The following SMC1A variants were observed in gnomAD, a reference collection of about 807,000 sequenced individuals.
SMC1A encodes structural maintenance of chromosomes protein 1A.
Under a neutral mutation model 94.5 loss-of-function variants are expected in SMC1A, and 4 were observed. The observed-to-expected ratio is 0.04, with a 90% CI of 0.02 to 0.10. The LOEUF (loss-of-function observed/expected upper bound fraction) is 0.10. Among genes scored for constraint, SMC1A ranks in the 10% least tolerant of loss-of-function variants. The pLI is 1.00. For synonymous variants in SMC1A, 345 were observed against 347.7 expected, an observed-to-expected ratio of 0.99 and a Z score of 0.09; for missense variants, 304 against 989.0, an observed-to-expected ratio of 0.31 and a Z score of 9.29.
chrX:53,416,752 C>A (rs182753054), intron 1 of SMC1A, among the ~76,000 whole-genome samples: 1 of 109,880 alleles, frequency 9.1e-6, no homozygotes, highest in Non-Finnish European at 1.9e-5. Context: ...TTCTAGAGAT[C>A]GTTTGCACAA....
chrX:53,382,775 G>T, intron 20 of SMC1A, 115 bp from the exon 21 acceptor site: 1 of 927,753 alleles, frequency 1.1e-6, no homozygotes, highest in Non-Finnish European at 1.5e-6. Flanking sequence ...GAGGGTCCCA[G>T]AAGGATCTGT....
At chrX:53,385,632 T>C (rs782264180) in intron 19 of SMC1A, among the ~76,000 whole-genome samples, 20 of 110,341 alleles carry the variant, frequency 1.8e-4, no homozygotes, top group Non-Finnish European at 3.4e-4. Context: ...CTATATTTTA[T>C]TGAAGTGAAG....
chrX:53,394,860 C>T lies in SMC1A; in HGVS notation c.2891G>A (p.Ser964Asn). 3 of 1,197,391 alleles carry T rather than the reference C, an allele frequency of 2.5e-6. No individual in the cohort carries two copies. The highest frequency in any genetic ancestry group is 3.4e-6 in the Non-Finnish European group (3 of 883,084). ...EGSSQGEDSV[S>N]GSQRISSIYA... ...GATACTGGAAATTCTCTGTGAACCA[C>T]TCACTGAGTCCTCCCCCTGGGAGCT... Residue 964 changes from serine to asparagine, a missense_variant, in exon 19 of 25, where the codon AGT becomes AAT. Around this residue, in one of 11 missense-constraint regions of SMC1A, gnomAD observed 22 missense variants for 17.5 expected, o/e 1.26. Coordinates refer to ENST00000322213, the MANE Select transcript of SMC1A (RefSeq NM_006306.4).
chrX:53,380,753 C>A lies in SMC1A; in HGVS notation c.3508-23G>T, dbSNP rs782493076. The stretch of plus-strand genomic sequence containing the variant: ...CACCTGTGGGAAAGGCCGCCAGGCA[C>A]TTAGCAAGGCTCAAACCTTAACAGT... On this transcript the variant is annotated intron_variant, in intron 23 of 24. Transcript: ENST00000322213. The A allele has an allele frequency of 1.2e-4, 125 of 1,051,619 alleles. No homozygotes were observed. In the South Asian group the frequency reaches 2.3e-3, roughly 19 times the overall value. 86.7% of individuals were successfully genotyped at this position (1,051,619 alleles called of 1,213,427 possible).
chrX:53,401,347 T>C (rs1330530960), intron 15 of SMC1A, among the ~76,000 whole-genome samples: 1 of 112,268 alleles, frequency 8.9e-6, no homozygotes, highest in Non-Finnish European at 1.9e-5. Context: ...TTACCTTCCC[T>C]ACTGTGAACA....
intron 19 of SMC1A, 143 bp from the exon 20 acceptor site, chrX:53,383,396 AC>A: frequency 1.9e-6 from 1 of 514,887 alleles, no homozygotes; most frequent in Non-Finnish European, 3.3e-6. Flanking sequence ...GGTTCCTTCC[AC>A]CAGATCCTAC....
chrX:53,396,589 T>C lies in SMC1A; in HGVS notation c.2591A>G (p.Asp864Gly). 8.3e-7 allele frequency: 1 copy of C among 1,209,294 alleles called. No individual in the cohort carries two copies. Among genetic ancestry groups the C allele is most frequent in the Non-Finnish European group, 1.1e-6 (1 of 894,613 alleles). The change falls in exon 17 of 25, where the codon GAT becomes GGT. Residue 864 changes from aspartate to glycine, a missense_variant. Physicochemically the swap from Asp to Gly is moderately conservative, Grantham distance 94. This residue lies in a region of SMC1A where 35 missense variants were observed against 95.4 expected (regional missense o/e 0.37). Transcript: ENST00000322213. ...GTCTTGTAGCTGAGCCATGGTCTCA[T>C]CTATGATCTTCATGTGTCTTTGTTC... is the stretch of plus-strand genomic sequence containing the variant. Reference protein sequence around the residue: ...KEEQRHMKIIDETMAQLQDLK... With the variant: ...KEEQRHMKIIGETMAQLQDLK...
In SMC1A at chrX:53,380,656, G is replaced by A. The variant is rs2075578868; in HGVS notation, c.3582C>T (p.Tyr1194=). 8.3e-7 allele frequency: 1 copy of A among 1,207,284 alleles called. No individual in the cohort carries two copies. The highest frequency in any genetic ancestry group is 1.1e-6 in the Non-Finnish European group (1 of 892,713). Residue 1194 remains tyrosine, a synonymous_variant, in exon 24 of 25, where the codon TAC becomes TAT. Coordinates refer to ENST00000322213, the MANE Select transcript of SMC1A (RefSeq NM_006306.4). Reference sequence around the variant, plus strand: ...CTCCAATGAGGCTCTCGGCCTTGGTGTAGAACTCCTCCTTGAGAGAGATGA... The same window carrying A: ...CTCCAATGAGGCTCTCGGCCTTGGTATAGAACTCCTCCTTGAGAGAGATGA... ...AIVISLKEEF[Y]TKAESLIGVY...
At chrX:53,399,035 C>T (rs1160155432) in intron 16 of SMC1A, among the ~76,000 whole-genome samples, 6 of 110,806 alleles carry the variant, frequency 5.4e-5, no homozygotes, top group Admixed American at 4.8e-4. Flanking sequence ...GTCAGGAGTT[C>T]GAGACCAGCC....
Position 53,378,882 on chromosome X carries a change from T to C in SMC1A, c.*1221A>G, listed in dbSNP as rs1170648213. 2 of 111,889 alleles carry C rather than the reference T, an allele frequency of 1.8e-5. No homozygotes were observed. The highest frequency in any genetic ancestry group is 7.4e-4 in the South Asian group (2 of 2,687). The allele number at this position is 111,889 out of a possible 1,213,427, so 9.2% of individuals were successfully genotyped here. ...CTCCCCTATTTCCTCACAACCCAGA[T>C]TGGGGCTCAGGCACCCGGTTACCAG... On this transcript the variant is annotated 3_prime_UTR_variant, in exon 25 of 25. Coordinates refer to ENST00000322213, the MANE Select transcript of SMC1A (RefSeq NM_006306.4).
chrX:53,408,749 A>G (rs782788782), intron 9 of SMC1A, among the ~76,000 whole-genome samples: 2 of 108,822 alleles, frequency 1.8e-5, no homozygotes, highest in African/African-American at 6.7e-5. Flanking sequence ...TTCCCCTCCC[A>G]GAGGCATAGA....
intron 8 of SMC1A, 28 bp from the exon 9 acceptor site, chrX:53,409,297 C>A: frequency 1.7e-6 from 2 of 1,192,969 alleles, no homozygotes; most frequent in Non-Finnish European, 2.3e-6. Context: ...ACAGGAGTTA[C>A]TCCTGCTGGT....
In SMC1A at chrX:53,422,627, G is replaced by C; in HGVS notation, c.-27C>G. On this transcript the variant is annotated 5_prime_UTR_variant, in exon 1 of 25. Coordinates refer to ENST00000322213, the MANE Select transcript of SMC1A (RefSeq NM_006306.4). ...ACGGCCGCGGCGCCGGCGGCAGTAGGACAGGCCGCGCCGTACGCCCGAGAA... is the reference window on the plus strand; with the variant it reads ...ACGGCCGCGGCGCCGGCGGCAGTAGCACAGGCCGCGCCGTACGCCCGAGAA... 9.9e-7 allele frequency: 1 copy of C among 1,007,747 alleles called. No individual in the cohort carries two copies. The highest frequency in any genetic ancestry group is 1.4e-6 in the Non-Finnish European group (1 of 711,187). The allele number at this position is 1,007,747 out of a possible 1,213,427, so 83.0% of individuals were successfully genotyped here. A position where few individuals can be genotyped will look rare whatever the true frequency, so the allele number is the denominator to read the frequency against.
intron 7 of SMC1A, among the ~76,000 whole-genome samples, chrX:53,411,082 A>G (rs940182335): frequency 5.5e-5 from 6 of 109,435 alleles, no homozygotes; most frequent in African/African-American, 1.7e-4. Flanking sequence ...ATGACAGAGA[A>G]AGACTCTGTC....
intron 1 of SMC1A, among the ~76,000 whole-genome samples, chrX:53,421,438 T>C (rs1036274973): frequency 1.8e-5 from 2 of 112,365 alleles, no homozygotes; most frequent in Non-Finnish European, 3.8e-5. Context: ...GTACTCAGTA[T>C]GTGCTACTTC....
chrX:53,416,405 C>A (rs782653996), intron 1 of SMC1A, among the ~76,000 whole-genome samples: 4 of 102,736 alleles, frequency 3.9e-5, no homozygotes, highest in Non-Finnish European at 6.0e-5. Flanking sequence ...GTTTTTTTTT[C>A]TTTTGAGATG....
Position 53,413,253 on chromosome X carries a change from T to C in SMC1A, c.594A>G (p.Glu198=), listed in dbSNP as rs1556890814. Residue 198 remains glutamate (E), a synonymous_variant, in exon 4 of 25, where the codon GAA becomes GAG. Transcript: ENST00000322213. ...RKKNIAAERK[E]AKQEKEEADR... ...CTACCTCTTCTTTCTCCTGCTTTGCTTCCTTGCGTTCAGCCGCAATATTTT... is the reference window on the plus strand; with the variant it reads ...CTACCTCTTCTTTCTCCTGCTTTGCCTCCTTGCGTTCAGCCGCAATATTTT... The C allele has an allele frequency of 6.6e-6, 8 of 1,211,609 alleles. No homozygotes were observed. In the Admixed American group the frequency reaches 1.5e-4, roughly 23 times the overall value.
Position 53,399,571 on chromosome X carries a change from A to G in SMC1A, c.2562+18T>C. 1 of 1,192,245 alleles carries G rather than the reference A, an allele frequency of 8.4e-7. No individual in the cohort carries two copies. Among genetic ancestry groups the G allele is most frequent in the Non-Finnish European group, 1.1e-6 (1 of 879,379 alleles). ...CCTCCCAGTTATTAGTCTGTCTTTT[A>G]ATTCTTTCCTTCCTTACCTTTTTGA... On this transcript the variant is annotated intron_variant, in intron 16 of 24. Transcript: ENST00000322213.
At chrX:53,408,274 T>C (rs1012665313) in intron 9 of SMC1A, among the ~76,000 whole-genome samples, 1 of 111,658 alleles carries the variant, frequency 9.0e-6, no homozygotes, top group South Asian at 3.7e-4. Context: ...GAGATTGCAG[T>C]GAGCCGAGGT....
Sources: allele counts gnomAD v4.1 joint callset (sites outside exome capture counted in the v4.1 genomes callset), GRCh38; gene constraint gnomAD v4.1.1; regional missense constraint gnomAD v4.1.1; transcripts MANE v1.5; gene names NCBI Gene and HGNC (gene_info 2026-07-23, HGNC 2026-07-21).